The following C2orf76 variants were observed in gnomAD, a reference collection of about 807,000 sequenced individuals.
C2orf76 encodes the protein chromosome 2 open reading frame 76, also known as UPF0538 protein C2orf76.
Under a neutral mutation model 16.9 loss-of-function variants are expected in C2orf76, and 23 were observed. That is an observed-to-expected ratio of 1.36 (90% CI 0.98 to 1.93). The LOEUF (loss-of-function observed/expected upper bound fraction) is 1.93. C2orf76 is among the 30% of genes most tolerant of loss of function. The pLI, the probability that C2orf76 is intolerant of heterozygous loss-of-function variation, is 0.00. For synonymous variants in C2orf76, 48 were observed against 52.3 expected (o/e 0.92, Z 0.35); for missense variants, 152 against 152.6 (o/e 1.00, Z 0.02).
chr2:119,296,677 G>A, the C2orf76 span, among the ~76,000 whole-genome samples: 4 of 152,162 alleles, frequency 2.6e-5, no homozygotes, highest in Non-Finnish European at 4.4e-5. Context: ...TCTGGGGCAG[G>A]CAGAAAAAGA....
intron 5 of C2orf76, among the ~76,000 whole-genome samples, chr2:119,310,444 C>T (rs914765646): frequency 1.6e-4 from 24 of 152,108 alleles, no homozygotes; most frequent in African/African-American, 5.6e-4. Context: ...ATTTAAGATC[C>T]TATTTAACTC....
At chr2:119,309,637 C>T (rs1247667754) in intron 5 of C2orf76, among the ~76,000 whole-genome samples, 3 of 152,002 alleles carry the variant, frequency 2.0e-5, no homozygotes, top group Non-Finnish European at 4.4e-5. Context: ...CCAAGCTGGT[C>T]TCGAATTCCT....
chr2:119,335,855 T>A (rs1019809298), intron 2 of C2orf76, among the ~76,000 whole-genome samples: 1 of 152,174 alleles, frequency 6.6e-6, no homozygotes, highest in Non-Finnish European at 1.5e-5. Context: ...GAGAAAAACA[T>A]CAGACTGAAC....
chr2:119,337,784 G>A (rs1679897558), intron 2 of C2orf76, among the ~76,000 whole-genome samples: 1 of 152,218 alleles, frequency 6.6e-6, no homozygotes, highest in South Asian at 2.1e-4. Flanking sequence ...CAGATGAAAG[G>A]TGTGAGTAGG....
intron 2 of C2orf76, among the ~76,000 whole-genome samples, chr2:119,330,476 G>A (rs1374158996): frequency 1.3e-5 from 2 of 151,656 alleles, no homozygotes; most frequent in Non-Finnish European, 2.9e-5. Flanking sequence ...TTCTCTTGCT[G>A]TTTTTAAGAT....
chr2:119,340,502 T>C (rs960417926), intron 1 of C2orf76: 4 of 152,600 alleles, frequency 2.6e-5, no homozygotes, highest in African/African-American at 9.6e-5. Context: ...TGAGTATGTA[T>C]AGTTCATCCT....
rs1277137387 is a variant in C2orf76 at position 119,357,646 on chromosome 2, T to C, written c.-13+9144A>G. Reference sequence around the variant, plus strand: ...AACGTTAGACTTCATAATGAAAGACTGAATGCTTTCCCCCTAAGATCAGGA... The same window carrying C: ...AACGTTAGACTTCATAATGAAAGACCGAATGCTTTCCCCCTAAGATCAGGA... On this transcript the variant is annotated intron_variant, in intron 1 of 5. Transcript: ENST00000334816. 2.0e-5 allele frequency among the ~76,000 whole-genome samples: 3 copies of C among 149,212 alleles called. No individual in the cohort carries two copies. In the East Asian group the frequency reaches 5.8e-4, roughly 29 times the overall value.
At chr2:119,316,879 G>A (rs772935689) in intron 4 of C2orf76, among the ~76,000 whole-genome samples, 2 of 152,194 alleles carry the variant, frequency 1.3e-5, no homozygotes, top group South Asian at 2.1e-4. Context: ...TCATAAAAAC[G>A]TTACTCTAAA....
chr2:119,316,102 ATATTTG>A (rs982542017), intron 4 of C2orf76, among the ~76,000 whole-genome samples: 2 of 152,190 alleles, frequency 1.3e-5, no homozygotes, highest in Non-Finnish European at 1.5e-5. Context: ...ACTTTATTTT[ATATTTG>A]TATTTGTATT....
At chr2:119,308,905 G>A (rs375723677) in intron 5 of C2orf76, among the ~76,000 whole-genome samples, 4 of 152,042 alleles carry the variant, frequency 2.6e-5, no homozygotes, top group Non-Finnish European at 5.9e-5. Context: ...CATTCCCGAC[G>A]GTGGTATAAG....
chr2:119,310,000 G>A lies in C2orf76; in HGVS notation c.304+1622C>T, dbSNP rs150181734. Among the ~76,000 whole-genome samples the A allele has an allele frequency of 7.2e-3, 1,103 of 152,244 alleles. 8 individuals carry two copies. Among genetic ancestry groups the A allele is most frequent in the Middle Eastern group, 0.051 (15 of 294 alleles). On this transcript the variant is annotated intron_variant, in intron 5 of 5. Transcript: ENST00000334816. ...TGTAATAAAAACAGAGATGAGATAC[G>A]AGTTTGAATTTTATTTTCCTGAATG...
chr2:119,304,467 T>C (rs1482093547), intron 5 of C2orf76, among the ~76,000 whole-genome samples: 1 of 152,252 alleles, frequency 6.6e-6, no homozygotes, highest in African/African-American at 2.4e-5. Context: ...TTTTGACACA[T>C]AGGTTCTTTT....
chr2:119,366,318 A>G, intron 1 of C2orf76: 1 of 416,428 alleles, frequency 2.4e-6, no homozygotes, highest in Middle Eastern at 3.6e-4. Context: ...AGTTTGTTAA[A>G]TCAAGACAAA....
the C2orf76 span, among the ~76,000 whole-genome samples, chr2:119,294,374 G>A: frequency 1.3e-5 from 2 of 152,164 alleles, no homozygotes; most frequent in Non-Finnish European, 2.9e-5. Context: ...GGAGAACTCG[G>A]TTCAGGAATT....
chr2:119,351,575 ACT>A (rs1022905209), intron 1 of C2orf76, among the ~76,000 whole-genome samples: 2 of 151,856 alleles, frequency 1.3e-5, no homozygotes, highest in African/African-American at 2.4e-5. Context: ...ACATAGCAAG[ACT>A]CTGTCTCTAC....
chr2:119,354,554 C>T (rs554272172), intron 1 of C2orf76, among the ~76,000 whole-genome samples: 25 of 152,252 alleles, frequency 1.6e-4, no homozygotes, highest in Admixed American at 8.5e-4. Flanking sequence ...AAAAACCCTA[C>T]ATTTATAAAC....
intron 2 of C2orf76, among the ~76,000 whole-genome samples, chr2:119,323,185 C>A (rs540107251): frequency 1.5e-5 from 2 of 137,808 alleles, no homozygotes; most frequent in Non-Finnish European, 3.1e-5. Flanking sequence ...CCCATAGTCC[C>A]GGCATTTTTT....
At chr2:119,283,984 C>G in the C2orf76 span, among the ~76,000 whole-genome samples, 1 of 152,212 alleles carries the variant, frequency 6.6e-6, no homozygotes, top group Admixed American at 6.5e-5. Flanking sequence ...TCCGGGAGCA[C>G]AGCCAAGGCG....
intron 1 of C2orf76, among the ~76,000 whole-genome samples, chr2:119,364,226 A>C (rs1680848861): frequency 6.6e-6 from 1 of 152,106 alleles, no homozygotes; most frequent in Non-Finnish European, 1.5e-5. Flanking sequence ...CTATGAAAAA[A>C]ATATAAATAA....
Sources: gnomAD v4.1 joint callset for allele counts (sites outside exome capture counted in the v4.1 genomes callset) on GRCh38, gnomAD v4.1.1 for gene constraint, MANE v1.5 for transcripts, NCBI Gene and HGNC (gene_info 2026-07-23, HGNC 2026-07-21) for gene names.